RASIP1: variants seen among roughly 807,000 people sequenced by gnomAD.
RASIP1 encodes the protein ras-interacting protein 1.
Under a neutral mutation model 85.3 loss-of-function variants are expected in RASIP1, and 20 were observed. The ratio of observed to expected loss-of-function variants is 0.23; its 90% CI spans 0.17 to 0.34. The LOEUF is 0.34. RASIP1 is among the 10% of genes least tolerant of loss of function. The pLI is 1.00. For synonymous variants in RASIP1, 617 were observed against 647.1 expected, an observed-to-expected ratio of 0.95 and a Z score of 0.71; for missense variants, 1,170 against 1,390.9, an observed-to-expected ratio of 0.84 and a Z score of 2.53.
chr19:48,735,061 C>G (rs1241093715), intron 4 of RASIP1, 135 bp downstream of exon 4: 3 of 774,084 alleles, frequency 3.9e-6, no homozygotes, highest in Non-Finnish European at 6.0e-6. Context: ...TACTCTGGAA[C>G]CTTGAGGGAC....
intron 10 of RASIP1, 86 bp from the exon 11 acceptor site, chr19:48,722,087 T>A (rs2033258699): frequency 7.8e-7 from 1 of 1,279,206 alleles, no homozygotes; most frequent in Non-Finnish European, 1.0e-6. Flanking sequence ...GGGGAGTGGG[T>A]GTGGTGGGAA....
Position 48,739,501 on chromosome 19 carries a change from C to T in RASIP1, c.282G>A (p.Arg94=). Residue 94 remains arginine (R), a synonymous_variant, in exon 3 of 12, where the codon CGG becomes CGA. Transcript: ENST00000222145. The surrounding 1 kb of genome is among the most constrained non-coding windows in gnomAD (Gnocchi z 9.2). ...ACCCCGTGGTCCCGGTCCCCGAGCC[C>T]CGGAAGAGCTGGGAGATGCGCTTGG... ...SRAKRISQLF[R]GSGTGTTGSS... is the part of the protein sequence containing the mutation. The T allele has an allele frequency of 6.6e-7, 1 of 1,510,932 alleles. No individual in the cohort carries two copies. The highest frequency in any genetic ancestry group is 8.8e-7 in the Non-Finnish European group (1 of 1,135,786). 93.6% of individuals were successfully genotyped at this position (1,510,932 alleles called of 1,614,324 possible).
rs759778449 is a variant in RASIP1, at chr19:48,724,670, A to C, written c.2371+47T>G. 6.2e-7 allele frequency: 1 copy of C among 1,609,334 alleles called. No individual in the cohort carries two copies. On this transcript the variant is annotated intron_variant, in intron 9 of 11. Transcript: ENST00000222145. The surrounding 1 kb of genome is among the most constrained non-coding windows in gnomAD (Gnocchi z 4.6). ...GTGTGTCTAATATGACCTGAGTCTC[A>C]GTGGCTCCTGTCTTTGCCTCCCTGA...
intron 8 of RASIP1, chr19:48,725,439 A>C (rs554961341): frequency 6.3e-6 from 1 of 159,504 alleles, no homozygotes; most frequent in East Asian, 1.9e-4. Flanking sequence ...AGGGCTTCAC[A>C]ATCCAGGCTG....
At chr19:48,727,198 C>T (rs1275839303) in intron 6 of RASIP1, 40 bp from the exon 7 acceptor site, 8 of 1,610,084 alleles carry the variant, frequency 5.0e-6, no homozygotes, top group South Asian at 4.4e-5. Flanking sequence ...CTGCCCAACC[C>T]TCATCATAGT....
chr19:48,727,253 C>A, intron 6 of RASIP1, 95 bp from the exon 7 acceptor site: 1 of 1,559,918 alleles, frequency 6.4e-7, no homozygotes, highest in Non-Finnish European at 8.8e-7. Context: ...GCAAGACCAA[C>A]TCCCATTGCG....
intron 4 of RASIP1, among the ~76,000 whole-genome samples, chr19:48,731,690 C>G (rs936038574): frequency 6.6e-6 from 1 of 152,216 alleles, no homozygotes; most frequent in East Asian, 1.9e-4. Flanking sequence ...GATCCCCCTT[C>G]TACACTAAAT....
chr19:48,736,639 C>A (rs1282104257), intron 3 of RASIP1, among the ~76,000 whole-genome samples: 1 of 152,136 alleles, frequency 6.6e-6, no homozygotes, highest in Non-Finnish European at 1.5e-5. Context: ...GGGAAATGAG[C>A]TGAATGAATG....
At chr19:48,722,897 T>C (rs1455652931) in intron 10 of RASIP1, among the ~76,000 whole-genome samples, 1 of 151,930 alleles carries the variant, frequency 6.6e-6, no homozygotes, top group Non-Finnish European at 1.5e-5. Context: ...TTCTTTCTTA[T>C]TGTTTTGAGA....
In RASIP1 at chr19:48,720,864, C is replaced by G; in HGVS notation, c.2826G>C (p.Trp942Cys). Residue 942 changes from tryptophan to cysteine, a missense_variant, in exon 12 of 12, where the codon TGG (tryptophan) becomes TGC (cysteine). Trp to Cys is a radical substitution (Grantham distance 215). Coordinates refer to ENST00000222145, the MANE Select transcript of RASIP1 (RefSeq NM_017805.3). ...CTGGCAGCTCCTGCTGCTCAAGATC[C>G]CAGAGGAGGCGGCGGAGCCTACGGA... ...RELRRLRRLLWDLEQQELPAN... is the reference protein window; with the variant it reads ...RELRRLRRLLCDLEQQELPAN... 2 of 1,614,058 alleles carry G rather than the reference C, an allele frequency of 1.2e-6. No individual in the cohort carries two copies. Among genetic ancestry groups the G allele is most frequent in the African/African-American group, 1.3e-5 (1 of 75,064 alleles).
chr19:48,731,074 A>G (rs1448210473), intron 4 of RASIP1, among the ~76,000 whole-genome samples: 1 of 152,150 alleles, frequency 6.6e-6, no homozygotes, highest in Admixed American at 6.6e-5. Flanking sequence ...AGGGAGTTCG[A>G]GACCAGCCTG....
In RASIP1 at chr19:48,724,745, T is replaced by C. The variant is rs2122423682; in HGVS notation, c.2343A>G (p.Ala781=). ...GTTCCATCAGCGAGTTGAGAAGGGATGCGTTGGAGAAGAAGAACAAGTAGC... is the reference window on the plus strand; with the variant it reads ...GTTCCATCAGCGAGTTGAGAAGGGACGCGTTGGAGAAGAAGAACAAGTAGC... ...TFGYLFFFSN[A]SLLNSLMERG... The change falls in exon 9 of 12, where the codon GCA becomes GCG. Residue 781 remains alanine, a synonymous_variant. Coordinates refer to ENST00000222145, the MANE Select transcript of RASIP1 (RefSeq NM_017805.3). This position sits in a 1 kb window ranked among gnomAD's most constrained non-coding sequence, Gnocchi z 4.6. 5 of 1,614,138 alleles carry C rather than the reference T, an allele frequency of 3.1e-6. No individual in the cohort carries two copies. The highest frequency in any genetic ancestry group is 4.2e-6 in the Non-Finnish European group (5 of 1,180,028).
intron 6 of RASIP1, 74 bp from the exon 7 acceptor site, chr19:48,727,232 T>G (rs2033357523): frequency 6.3e-7 from 1 of 1,588,298 alleles, no homozygotes; most frequent in African/African-American, 1.3e-5. Flanking sequence ...GATCTAAGTC[T>G]AAGTGGGAGA....
intron 3 of RASIP1, among the ~76,000 whole-genome samples, chr19:48,737,204 T>A (rs986168291): frequency 1.3e-5 from 2 of 152,152 alleles, no homozygotes; most frequent in Admixed American, 1.3e-4. Context: ...TTTATATACA[T>A]TGAATATATT....
intron 8 of RASIP1, among the ~76,000 whole-genome samples, chr19:48,725,874 G>A (rs2033333505): frequency 6.6e-6 from 1 of 152,132 alleles, no homozygotes; most frequent in South Asian, 2.1e-4. Context: ...ATGTTACCAA[G>A]TAGTGAGGTC....
In RASIP1 at chr19:48,729,229, GGGCCTGGCGGCGTGGCCCCGGGGCGC is replaced by G; in HGVS notation, c.1515_1540del (p.Arg506TrpfsTer28). The stretch of plus-strand genomic sequence containing the variant: ...CAGGCGACAGGAGAAGGCCCAGCCA[GGGCCTGGCGGCGTGGCCCCGGGGCGC>G]GCGGGCAGCCACGGCGGCCTCGCAG... On this transcript the variant is annotated frameshift_variant, in exon 5 of 12. Transcript: ENST00000222145. LOFTEE classifies it high-confidence loss of function. 7.2e-7 allele frequency: 1 copy of G among 1,387,778 alleles called. No homozygotes were observed. Among genetic ancestry groups the G allele is most frequent in the Non-Finnish European group, 9.3e-7 (1 of 1,075,144 alleles). 86.0% of individuals were successfully genotyped at this position (1,387,778 alleles called of 1,614,324 possible).
At chr19:48,733,824 G>C (rs377467611) in intron 4 of RASIP1, among the ~76,000 whole-genome samples, 4 of 151,668 alleles carry the variant, frequency 2.6e-5, no homozygotes, top group African/African-American at 4.8e-5. Flanking sequence ...AAAAGTGTGG[G>C]GGGGAGGGGG....
intron 4 of RASIP1, among the ~76,000 whole-genome samples, chr19:48,731,004 G>T (rs1163879655): frequency 6.6e-6 from 1 of 152,044 alleles, no homozygotes; most frequent in Non-Finnish European, 1.5e-5. Flanking sequence ...GCAACAGAGT[G>T]AGACTCAAAA....
In RASIP1 at chr19:48,740,403, A is replaced by T. The variant is rs1477844760; in HGVS notation, c.-4-117T>A. On this transcript the variant is annotated intron_variant, in intron 1 of 11. Coordinates refer to ENST00000222145, the MANE Select transcript of RASIP1 (RefSeq NM_017805.3). The surrounding 1 kb of genome is among the most constrained non-coding windows in gnomAD (Gnocchi z 5.5). ...GGCTGGGGCTCAGACTTGCGAGTCC[A>T]GGGGGAGGAGAGGGATGGTACCCTG... 7.0e-7 allele frequency: 1 copy of T among 1,422,850 alleles called. No homozygotes were observed. Among genetic ancestry groups the T allele is most frequent in the East Asian group, 2.7e-5 (1 of 37,360 alleles). The allele number at this position is 1,422,850 out of a possible 1,614,324, so 88.1% of individuals were successfully genotyped here.
Sources: gnomAD v4.1 joint callset for allele counts (sites outside exome capture counted in the v4.1 genomes callset) on GRCh38, gnomAD v4.1.1 for gene constraint, Gnocchi (gnomAD v3.1) non-coding constraint, MANE v1.5 for transcripts, NCBI Gene and HGNC (gene_info 2026-07-23, HGNC 2026-07-21) for gene names.